SCMH1: variants seen among roughly 807,000 people sequenced by gnomAD.
SCMH1 encodes the protein Scm polycomb group protein homolog 1.
Under a neutral mutation model 70.8 loss-of-function variants are expected in SCMH1, and 37 were observed. The ratio of observed to expected loss-of-function variants is 0.52; its 90% CI spans 0.40 to 0.69. SCMH1 has a LOEUF of 0.69. Ranked by LOEUF, SCMH1 falls within the 30% of genes least tolerant of loss-of-function variation. SCMH1 has a pLI of 0.00. For missense variants in SCMH1, 607 were observed against 827.3 expected (o/e 0.73, Z 3.27); for synonymous variants, 292 against 307.4 (o/e 0.95, Z 0.52).
chr1:41,142,365 G>C (rs1251544642), intron 6 of SCMH1, among the ~76,000 whole-genome samples: 2 of 152,122 alleles, frequency 1.3e-5, no homozygotes, highest in African/African-American at 4.8e-5. Context: ...GATCTGGAAA[G>C]AAAAACCTAG....
intron 1 of SCMH1, among the ~76,000 whole-genome samples, chr1:41,190,748 T>C (rs1025171341): frequency 6.6e-6 from 1 of 152,266 alleles, no homozygotes; most frequent in East Asian, 1.9e-4. Flanking sequence ...AAGTGTGATA[T>C]GGGGACAGAA....
chr1:41,232,400 G>A (rs1373098196), intron 1 of SCMH1, among the ~76,000 whole-genome samples: 1 of 152,186 alleles, frequency 6.6e-6, no homozygotes, highest in East Asian at 1.9e-4. Context: ...TCTTTTGTTT[G>A]CCGACATTGT....
At chr1:41,186,221 G>T in exon 2 of SCMH1, 1 of 766,958 alleles carries the variant, frequency 1.3e-6, no homozygotes, top group Non-Finnish European at 2.3e-6. Flanking sequence ...CTTCTGACAA[G>T]TCAGTTTCTT....
intron 2 of SCMH1, among the ~76,000 whole-genome samples, chr1:41,166,327 CT>C (rs751841841): frequency 2.6e-5 from 4 of 152,036 alleles, no homozygotes; most frequent in Non-Finnish European, 4.4e-5. Flanking sequence ...ATTTGGGATC[CT>C]TTGTGTCTCC....
intron 9 of SCMH1, among the ~76,000 whole-genome samples, chr1:41,073,569 C>T (rs780410104): frequency 1.6e-4 from 25 of 151,906 alleles, no homozygotes; most frequent in Non-Finnish European, 3.2e-4. Context: ...ACTGAGAATT[C>T]GAAGCCAAAA....
chr1:41,101,163 A>G (rs929409232), intron 8 of SCMH1, among the ~76,000 whole-genome samples: 2 of 152,190 alleles, frequency 1.3e-5, no homozygotes, highest in Admixed American at 6.5e-5. Flanking sequence ...ACCAAATTAG[A>G]GCCAATGGAT....
exon 14 of SCMH1, chr1:41,028,693 G>A (rs1184828016): frequency 6.2e-7 from 1 of 1,614,110 alleles, no homozygotes; most frequent in East Asian, 2.2e-5. Flanking sequence ...ACTCAGTCGA[G>A]AGGCATCGCG....
chr1:41,037,641 G>A (rs1645492493), intron 12 of SCMH1, 100 bp from the exon 13 acceptor site: 9 of 1,070,114 alleles, frequency 8.4e-6, no homozygotes, highest in Non-Finnish European at 1.2e-5. Flanking sequence ...AACAGAGAAA[G>A]CCCTGGGCAG....
At chr1:41,212,939 A>G (rs1385092420) in intron 1 of SCMH1, among the ~76,000 whole-genome samples, 1 of 152,212 alleles carries the variant, frequency 6.6e-6, no homozygotes, top group Non-Finnish European at 1.5e-5. Flanking sequence ...TAAAGAACCT[A>G]CTATAAATTT....
At chr1:41,037,520 T>C (rs765519580) in exon 13 of SCMH1, 1 of 1,614,136 alleles carries the variant, frequency 6.2e-7, no homozygotes, top group Non-Finnish European at 8.5e-7. Context: ...GGCCAGACTA[T>C]TCCCCAGGAC....
chr1:41,185,721 C>T (rs1304031849), intron 2 of SCMH1, among the ~76,000 whole-genome samples: 2 of 147,968 alleles, frequency 1.4e-5, no homozygotes, highest in African/African-American at 5.0e-5. Flanking sequence ...CAGCAACCTC[C>T]GCCTCCCGGG....
intron 1 of SCMH1, among the ~76,000 whole-genome samples, chr1:41,197,805 T>C (rs940280975): frequency 6.6e-6 from 1 of 152,190 alleles, no homozygotes; most frequent in Non-Finnish European, 1.5e-5. Flanking sequence ...AAATCCAATC[T>C]TGAGCCACAG....
intron 8 of SCMH1, among the ~76,000 whole-genome samples, chr1:41,083,657 C>T (rs1382244601): frequency 2.0e-5 from 3 of 152,078 alleles, no homozygotes; most frequent in Admixed American, 6.6e-5. Flanking sequence ...AAAAAGAGCC[C>T]GCATCGCCAA....
chr1:41,144,537 G>C (rs1025157889), intron 5 of SCMH1, among the ~76,000 whole-genome samples: 12 of 151,926 alleles, frequency 7.9e-5, no homozygotes, highest in African/African-American at 2.7e-4. Flanking sequence ...CCTCTTTTTG[G>C]CTATTATGAA....
intron 1 of SCMH1, among the ~76,000 whole-genome samples, chr1:41,217,136 T>G (rs1658268176): frequency 6.6e-6 from 1 of 152,194 alleles, no homozygotes; most frequent in East Asian, 1.9e-4. Flanking sequence ...GGTAGAAATA[T>G]GAGCACTAAA....
At chr1:41,157,851 A>G (rs978068439) in intron 4 of SCMH1, among the ~76,000 whole-genome samples, 5 of 152,158 alleles carry the variant, frequency 3.3e-5, no homozygotes, top group Non-Finnish European at 7.4e-5. Context: ...ACATCATATC[A>G]CCATAATTAT....
chr1:41,118,835 A>G (rs1557524567), intron 6 of SCMH1, among the ~76,000 whole-genome samples: 1 of 152,242 alleles, frequency 6.6e-6, no homozygotes, highest in Admixed American at 6.5e-5. Context: ...AAACTACCTC[A>G]GCCTTCCCAC....
intron 2 of SCMH1, among the ~76,000 whole-genome samples, chr1:41,175,676 A>G (rs1335115437): frequency 1.3e-5 from 2 of 152,124 alleles, no homozygotes; most frequent in Non-Finnish European, 2.9e-5. Flanking sequence ...GCCATATGGG[A>G]TTGGACTCAT....
intron 2 of SCMH1, 67 bp from the exon 3 acceptor site, chr1:41,161,499 C>A: frequency 1.3e-6 from 2 of 1,490,904 alleles, no homozygotes; most frequent in Non-Finnish European, 1.8e-6. Flanking sequence ...TCCAATTTGG[C>A]AGTATGTATT....
Sources: gnomAD v4.1 joint callset for allele counts (sites outside exome capture counted in the v4.1 genomes callset) on GRCh38, gnomAD v4.1.1 for gene constraint, MANE v1.5 for transcripts, NCBI Gene and HGNC (gene_info 2026-07-23, HGNC 2026-07-21) for gene names.